METTL14: variants seen among roughly 807,000 people sequenced by gnomAD.
METTL14 encodes the protein methyltransferase 14, N6-adenosine-methyltransferase non-catalytic subunit.
Under a neutral mutation model 62.4 loss-of-function variants are expected in METTL14, and 32 were observed. The ratio of observed to expected loss-of-function variants is 0.51; its 90% CI spans 0.39 to 0.69. The LOEUF (loss-of-function observed/expected upper bound fraction) is 0.69. Ranked by LOEUF, METTL14 falls within the 30% of genes least tolerant of loss-of-function variation. The probability of loss-of-function intolerance (pLI) is 0.00; values close to 1 mark genes in which losing one functional copy is unlikely to be tolerated. For missense variants in METTL14, 340 were observed against 551.9 expected, an observed-to-expected ratio of 0.62 and a Z score of 3.85; for synonymous variants, 150 against 180.0, an observed-to-expected ratio of 0.83 and a Z score of 1.34.
intron 2 of METTL14, among the ~76,000 whole-genome samples, chr4:118,689,113 T>C (rs1724165551): frequency 6.6e-6 from 1 of 152,216 alleles, no homozygotes; most frequent in Non-Finnish European, 1.5e-5. Context: ...AAATAATACA[T>C]ACTATATAAA....
At chr4:118,694,740 C>T (rs568987487) in intron 6 of METTL14, among the ~76,000 whole-genome samples, 3 of 152,236 alleles carry the variant, frequency 2.0e-5, no homozygotes, top group African/African-American at 7.2e-5. Flanking sequence ...AGCAATCCTC[C>T]CACCTCACCT....
At chr4:118,691,311 A>T (rs904079260) in intron 3 of METTL14, among the ~76,000 whole-genome samples, 1 of 152,196 alleles carries the variant, frequency 6.6e-6, no homozygotes, top group Non-Finnish European at 1.5e-5. Flanking sequence ...TCAGCAAAAT[A>T]GTAGTTACAG....
intron 8 of METTL14, 94 bp from the exon 9 acceptor site, chr4:118,703,841 C>T (rs1330395176): frequency 7.5e-6 from 5 of 668,266 alleles, no homozygotes; most frequent in East Asian, 2.9e-5. Context: ...TGTCTGAAAC[C>T]TCTAGAAAGT....
chr4:118,685,475 G>T lies in METTL14; in HGVS notation c.-60G>T. Reference sequence around the variant, plus strand: ...GTTCCACAGACTCGGAAGAAAGGTTGGATAAGAGTTCACTGGAGATTGACA... The same window carrying T: ...GTTCCACAGACTCGGAAGAAAGGTTTGATAAGAGTTCACTGGAGATTGACA... On this transcript the variant is annotated 5_prime_UTR_variant, in exon 1 of 11. Coordinates refer to ENST00000388822, the MANE Select transcript of METTL14 (RefSeq NM_020961.4). 1 of 1,494,602 alleles carries T rather than the reference G, an allele frequency of 6.7e-7. No homozygotes were observed. The highest frequency in any genetic ancestry group is 9.3e-7 in the Non-Finnish European group (1 of 1,070,902). The allele number at this position is 1,494,602 out of a possible 1,614,324, so 92.6% of individuals were successfully genotyped here. A position where few individuals can be genotyped will look rare whatever the true frequency, so the allele number is the denominator to read the frequency against.
intron 3 of METTL14, among the ~76,000 whole-genome samples, chr4:118,690,299 A>C (rs1471556764): frequency 6.6e-6 from 1 of 151,478 alleles, no homozygotes; most frequent in Non-Finnish European, 1.5e-5. Context: ...CGGCCTCCCA[A>C]AGTGCTGGGA....
At chr4:118,697,420 T>C (rs916835052) in intron 7 of METTL14, 97 bp downstream of exon 7, 1 of 1,034,972 alleles carries the variant, frequency 9.7e-7, no homozygotes, top group African/African-American at 1.6e-5. Flanking sequence ...ATCCCTACTT[T>C]TGTAGGGATT....
chr4:118,696,860 T>TG (rs533913680), intron 6 of METTL14, among the ~76,000 whole-genome samples: 78 of 152,198 alleles, frequency 5.1e-4, no homozygotes, highest in African/African-American at 1.8e-3. Flanking sequence ...CAGAGACACA[T>TG]CTGAGTATGG....
At position 118,714,617 on chromosome 4, in the gene METTL14, G is replaced by A. The variant is rs1413875376; in HGVS notation, c.*4315G>A. 1 of 152,154 alleles carries A rather than the reference G, an allele frequency of 6.6e-6. No individual in the cohort carries two copies. The highest frequency in any genetic ancestry group is 2.4e-5 in the African/African-American group (1 of 41,450). 9.4% of individuals were successfully genotyped at this position (152,154 alleles called of 1,614,324 possible). On this transcript the variant is annotated 3_prime_UTR_variant, in exon 11 of 11. Coordinates refer to ENST00000388822, the MANE Select transcript of METTL14 (RefSeq NM_020961.4). ...TTTTATTTTTATTTTTTGAGACAGA[G>A]TCTCTGTTACCCAGGCTGGGGGGCA...
At position 118,704,124 on chromosome 4, in the gene METTL14, T is replaced by C. The variant is rs1008071637; in HGVS notation, c.855+73T>C. 10 of 818,762 alleles carry C rather than the reference T, an allele frequency of 1.2e-5. No homozygotes were observed. The South Asian group carries it at 1.4e-4, about 11-fold the overall frequency. 50.7% of individuals were successfully genotyped at this position (818,762 alleles called of 1,614,324 possible). On this transcript the variant is annotated intron_variant, in intron 9 of 10. Coordinates refer to ENST00000388822, the MANE Select transcript of METTL14 (RefSeq NM_020961.4). ...CAAGCTTTTCCAAATAACTGTATAC[T>C]GTTTAATTAACTTCAGTGAAAAGGT...
At chr4:118,689,284 G>A (rs1385833996) in intron 2 of METTL14, 86 bp from the exon 3 acceptor site, 1 of 674,366 alleles carries the variant, frequency 1.5e-6, no homozygotes, top group Non-Finnish European at 2.3e-6. Context: ...GTCTTGTTCT[G>A]TTTTTATAAC....
chr4:118,688,009 C>A lies in METTL14; in HGVS notation c.153C>A (p.Cys51Ter). 1.3e-6 allele frequency: 2 copies of A among 1,589,706 alleles called. No homozygotes were observed. The highest frequency in any genetic ancestry group is 1.7e-6 in the Non-Finnish European group (2 of 1,164,228). The change falls in exon 2 of 11, where the codon TGC (cysteine) becomes TGA (stop). Residue 51 changes from cysteine to a stop codon, truncating the protein, a stop_gained and splice_region_variant. Transcript: ENST00000388822. LOFTEE classifies it high-confidence loss of function. ...QREIAETRET[C>*]RASYDTSAPN... The stretch of plus-strand genomic sequence containing the variant: ...AAATTGCTGAAACAAGAGAAACTTG[C>A]AGGTCAGTCAGATAATTCTTTTTTT...
At position 118,714,762 on chromosome 4, in the gene METTL14, T is replaced by G. The variant is rs1725007932; in HGVS notation, c.*4460T>G. On this transcript the variant is annotated 3_prime_UTR_variant, in exon 11 of 11. Coordinates refer to ENST00000388822, the MANE Select transcript of METTL14 (RefSeq NM_020961.4). Reference sequence around the variant, plus strand: ...CCACCACACCCAGCTAATTTTAGTATTCTTAGTAGAGACAGGATTTCACCA... The same window carrying G: ...CCACCACACCCAGCTAATTTTAGTAGTCTTAGTAGAGACAGGATTTCACCA... 1 of 152,180 alleles carries G rather than the reference T, an allele frequency of 6.6e-6. No individual in the cohort carries two copies. Among genetic ancestry groups the G allele is most frequent in the Admixed American group, 6.5e-5 (1 of 15,288 alleles). 9.4% of individuals were successfully genotyped at this position (152,180 alleles called of 1,614,324 possible).
chr4:118,703,905 G>C, intron 8 of METTL14, 30 bp from the exon 9 acceptor site: 1 of 1,263,624 alleles, frequency 7.9e-7, no homozygotes, highest in African/African-American at 1.5e-5. Context: ...TTAAGTTAAG[G>C]ATTTGTGTTT....
intron 1 of METTL14, chr4:118,686,832 G>C (rs1724079815): frequency 6.8e-6 from 2 of 292,282 alleles, no homozygotes; most frequent in Admixed American, 4.5e-5. Context: ...GATGCCAGGG[G>C]CTCTACCTTT....
In METTL14 at chr4:118,710,388, C is replaced by A. The variant is rs549667799; in HGVS notation, c.*86C>A. On this transcript the variant is annotated 3_prime_UTR_variant, in exon 11 of 11. Coordinates refer to ENST00000388822, the MANE Select transcript of METTL14 (RefSeq NM_020961.4). Reference sequence around the variant, plus strand: ...AAGTGGGAGACTTAACTTTAGAACTCACTTCCAGCTTGCACTTTGCTTTAA... The same window carrying A: ...AAGTGGGAGACTTAACTTTAGAACTAACTTCCAGCTTGCACTTTGCTTTAA... 4 of 1,325,000 alleles carry A rather than the reference C, an allele frequency of 3.0e-6. No individual in the cohort carries two copies. The East Asian group carries it at 7.3e-5, about 24-fold the overall frequency. 82.1% of individuals were successfully genotyped at this position (1,325,000 alleles called of 1,614,324 possible). A position where few individuals can be genotyped will look rare whatever the true frequency, so the allele number is the denominator to read the frequency against.
intron 3 of METTL14, among the ~76,000 whole-genome samples, chr4:118,690,113 T>G (rs1234135412): frequency 7.3e-6 from 1 of 137,552 alleles, no homozygotes; most frequent in Non-Finnish European, 1.5e-5. Flanking sequence ...TGATCTCAGC[T>G]CAGTGCAACT....
At chr4:118,696,117 C>CAAAAAAAAAAAAAAAAAAAAA (rs70941201) in intron 6 of METTL14, among the ~76,000 whole-genome samples, 6 of 33,910 alleles carry the variant, frequency 1.8e-4, no homozygotes, top group African/African-American at 3.3e-4. Flanking sequence ...GACTCTGTCT[C>CAAAAAAAAAAAAAAAAAAAAA]AAAAAAAAAA....
Position 118,703,876 on chromosome 4 carries a change from T to C in METTL14, c.739-59T>C. The C allele has an allele frequency of 3.1e-6, 3 of 960,102 alleles. No homozygotes were observed. The South Asian group carries it at 5.1e-5, about 16-fold the overall frequency. 59.5% of individuals were successfully genotyped at this position (960,102 alleles called of 1,614,324 possible). A position where few individuals can be genotyped will look rare whatever the true frequency, so the allele number is the denominator to read the frequency against. On this transcript the variant is annotated intron_variant, in intron 8 of 10. Transcript: ENST00000388822. ...TTTTTTTTAATGCTGGTTGTTATTG[T>C]TAAGTATTGTTTATTTCTTTAAGTT...
chr4:118,698,941 A>G (rs1237091490), intron 7 of METTL14, among the ~76,000 whole-genome samples: 1 of 152,202 alleles, frequency 6.6e-6, no homozygotes, highest in African/African-American at 2.4e-5. Context: ...ACTGACAGTA[A>G]AGCCGGGAAA....
Sources: allele counts gnomAD v4.1 joint callset (sites outside exome capture counted in the v4.1 genomes callset), GRCh38; gene constraint gnomAD v4.1.1; transcripts MANE v1.5; gene names NCBI Gene and HGNC (gene_info 2026-07-23, HGNC 2026-07-21).